Variants in DSTN observed in about 807,000 individuals in gnomAD.
DSTN encodes the protein destrin.
In DSTN, 10 loss-of-function variants were observed where a neutral mutation model predicts 16.8. The observed-to-expected ratio is 0.60, with a 90% CI of 0.37 to 1.01. The LOEUF (loss-of-function observed/expected upper bound fraction) is 1.01, where lower values mean the gene tolerates loss of function less well. DSTN is among the 50% of genes least tolerant of loss of function. The pLI, the probability that DSTN is intolerant of heterozygous loss-of-function variation, is 0.01. For missense variants in DSTN, 141 were observed against 196.7 expected (o/e 0.72, Z 1.69); for synonymous variants, 57 against 58.9 (o/e 0.97, Z 0.14).
chr20:17,589,452 A>G (rs1223382025), intron 1 of DSTN, among the ~76,000 whole-genome samples: 1 of 152,176 alleles, frequency 6.6e-6, no homozygotes, highest in African/African-American at 2.4e-5. Flanking sequence ...TGATCTGCCT[A>G]TCTCAGGCTC....
At chr20:17,592,154 G>T in intron 1 of DSTN, 2 of 959,346 alleles carry the variant, frequency 2.1e-6, no homozygotes, top group Non-Finnish European at 2.5e-6. Flanking sequence ...AGCCAGGCAT[G>T]GTGGCTCATG....
Position 17,596,533 on chromosome 20 carries a change from A to G in DSTN, c.4-4205A>G, listed in dbSNP as rs1218038597. ...ACTCTTTTGTGTCTCATTCAGCTAT[A>G]TTGGTTTGACTTTGACATGTCCTTG... is the stretch of plus-strand genomic sequence containing the variant. On this transcript the variant is annotated intron_variant, in intron 1 of 3. Transcript: ENST00000246069. The G allele has an allele frequency of 5.5e-5, 39 of 713,236 alleles. 1 individual carries two copies. Among genetic ancestry groups the G allele is most frequent in the Admixed American group, 1.3e-4 (2 of 15,906 alleles). 44.2% of individuals were successfully genotyped at this position (713,236 alleles called of 1,614,324 possible). A position where few individuals can be genotyped will look rare whatever the true frequency, so the allele number is the denominator to read the frequency against.
At chr20:17,574,528 T>G (rs1448745985) in intron 1 of DSTN, among the ~76,000 whole-genome samples, 1 of 152,046 alleles carries the variant, frequency 6.6e-6, no homozygotes, top group African/African-American at 2.4e-5. Flanking sequence ...AATGCACTTC[T>G]GCTAAAATTT....
intron 1 of DSTN, chr20:17,596,656 G>T (rs968117045): frequency 1.0e-6 from 1 of 985,216 alleles, no homozygotes; most frequent in Non-Finnish European, 1.2e-6. Flanking sequence ...CAGTTTCTGT[G>T]CCAGTTTCTC....
intron 1 of DSTN, among the ~76,000 whole-genome samples, chr20:17,583,544 A>G (rs2035369253): frequency 6.6e-6 from 1 of 152,114 alleles, no homozygotes; most frequent in Non-Finnish European, 1.5e-5. Flanking sequence ...ACATGCTACA[A>G]CGTGGATGAA....
intron 2 of DSTN, among the ~76,000 whole-genome samples, chr20:17,601,394 C>G (rs1272152628): frequency 6.6e-6 from 1 of 152,018 alleles, no homozygotes; most frequent in Non-Finnish European, 1.5e-5. Context: ...CGAGCCATGC[C>G]AGGAACCAGC....
Position 17,601,014 on chromosome 20 carries a change from T to G in DSTN, c.280T>G (p.Ser94Ala). The G allele has an allele frequency of 6.2e-7, 1 of 1,602,036 alleles. No homozygotes were observed. The highest frequency in any genetic ancestry group is 8.5e-7 in the Non-Finnish European group (1 of 1,174,240). ...LYDASFETKE[S>A]RKEELMFFLW... ...TGATGCAAGCTTTGAAACAAAAGAA[T>G]CCAGAAAAGAAGAGTTGATGTTTTT... The change falls in exon 2 of 4, where the codon TCC (serine) becomes GCC (alanine). Residue 94 changes from serine (S) to alanine (A), a missense_variant. Ser to Ala is a moderately conservative substitution (Grantham distance 99, BLOSUM62 1). Transcript: ENST00000246069.
intron 1 of DSTN, among the ~76,000 whole-genome samples, chr20:17,597,406 G>T (rs1231821649): frequency 1.3e-5 from 2 of 152,130 alleles, no homozygotes; most frequent in East Asian, 3.9e-4. Flanking sequence ...TAAATGCTAG[G>T]ATCTTAGTGT....
intron 1 of DSTN, among the ~76,000 whole-genome samples, chr20:17,578,440 C>A (rs545893094): frequency 3.3e-5 from 5 of 152,208 alleles, no homozygotes; most frequent in African/African-American, 1.2e-4. Flanking sequence ...TGAATAGTAC[C>A]TCCCCTTTGT....
chr20:17,605,036 GA>G, intron 3 of DSTN: 1 of 456,736 alleles, frequency 2.2e-6, no homozygotes, highest in Non-Finnish European at 4.4e-6. Flanking sequence ...ACCTAAATGA[GA>G]AAGGATGCTC....
At chr20:17,570,364 G>A (rs1232400409) in intron 1 of DSTN, among the ~76,000 whole-genome samples, 153 bp downstream of exon 1, 1 of 152,114 alleles carries the variant, frequency 6.6e-6, no homozygotes, top group African/African-American at 2.4e-5. Flanking sequence ...GTGAGGGGGG[G>A]TCTCTGGGCC....
chr20:17,594,401 C>G (rs2035503083), intron 1 of DSTN, among the ~76,000 whole-genome samples: 1 of 151,998 alleles, frequency 6.6e-6, no homozygotes, highest in African/African-American at 2.4e-5. Flanking sequence ...GAAAACAGAG[C>G]TTTAAGATCA....
At chr20:17,598,564 C>T (rs562447438) in intron 1 of DSTN, among the ~76,000 whole-genome samples, 4 of 152,148 alleles carry the variant, frequency 2.6e-5, no homozygotes, top group African/African-American at 9.6e-5. Context: ...GAAGTATTTG[C>T]CTTTTTTTAT....
chr20:17,570,182 C>G lies in DSTN; in HGVS notation c.-27C>G, dbSNP rs775022738. ...CTCGCTGCCCGCCGGCTCCCTCCCCCGCGTCCCTGCGACCGCCGCGGCGAA... is the reference window on the plus strand; with the variant it reads ...CTCGCTGCCCGCCGGCTCCCTCCCCGGCGTCCCTGCGACCGCCGCGGCGAA... On this transcript the variant is annotated 5_prime_UTR_variant, in exon 1 of 4. Coordinates refer to ENST00000246069, the MANE Select transcript of DSTN (RefSeq NM_006870.4). 42 of 1,519,150 alleles carry G rather than the reference C, an allele frequency of 2.8e-5. No individual in the cohort carries two copies. In the South Asian group the frequency reaches 4.5e-4, roughly 16 times the overall value. 94.1% of individuals were successfully genotyped at this position (1,519,150 alleles called of 1,614,324 possible). A position where few individuals can be genotyped will look rare whatever the true frequency, so the allele number is the denominator to read the frequency against.
chr20:17,571,879 A>T (rs2035211138), intron 1 of DSTN, among the ~76,000 whole-genome samples: 1 of 152,236 alleles, frequency 6.6e-6, no homozygotes, highest in Non-Finnish European at 1.5e-5. Context: ...AAAATTAGAA[A>T]TGAGCGATTT....
chr20:17,599,024 T>A (rs1343570937), intron 1 of DSTN, among the ~76,000 whole-genome samples: 1 of 152,246 alleles, frequency 6.6e-6, no homozygotes, highest in African/African-American at 2.4e-5. Flanking sequence ...CACGAGTGTT[T>A]ATAGCAGTGT....
At chr20:17,596,891 C>A in intron 1 of DSTN, 1 of 831,576 alleles carries the variant, frequency 1.2e-6, no homozygotes, top group Non-Finnish European at 1.4e-6. Flanking sequence ...ATTTAATTTA[C>A]AAATCAGAAT....
intron 3 of DSTN, among the ~76,000 whole-genome samples, chr20:17,605,621 C>T (rs938164041): frequency 3.9e-5 from 6 of 152,192 alleles, no homozygotes; most frequent in Non-Finnish European, 7.3e-5. Flanking sequence ...GTTCTTCGTG[C>T]ATTTGGTTTG....
At chr20:17,581,130 G>C (rs1007785562) in intron 1 of DSTN, among the ~76,000 whole-genome samples, 4 of 152,126 alleles carry the variant, frequency 2.6e-5, no homozygotes, top group Non-Finnish European at 2.9e-5. Flanking sequence ...AGCGAGATAT[G>C]ATTTATCCCT....
Sources: allele counts gnomAD v4.1 joint callset (sites outside exome capture counted in the v4.1 genomes callset), GRCh38; gene constraint gnomAD v4.1.1; transcripts MANE v1.5; gene names NCBI Gene and HGNC (gene_info 2026-07-23, HGNC 2026-07-21).